NRXN3: variants seen among roughly 807,000 people sequenced by gnomAD.
NRXN3 encodes the protein neurexin III.
NRXN3 carries 32 observed loss-of-function variants against 137.6 expected under a neutral mutation model. The ratio of observed to expected loss-of-function variants is 0.23; its 90% CI spans 0.18 to 0.31. The LOEUF is 0.31. NRXN3 is among the 10% of genes least tolerant of loss of function. The pLI is 1.00. For synonymous variants in NRXN3, 798 were observed against 784.5 expected (o/e 1.02, Z -0.29); for missense variants, 1,574 against 2,062.5 (o/e 0.76, Z 4.59).
At chr14:79,322,626 C>G (rs1007125080) in intron 15 of NRXN3, among the ~76,000 whole-genome samples, 1 of 152,160 alleles carries the variant, frequency 6.6e-6, no homozygotes, top group Non-Finnish European at 1.5e-5. Context: ...TATTTTAAGT[C>G]TTCCTGATCC....
chr14:78,994,096 C>T (rs536696992), intron 15 of NRXN3, among the ~76,000 whole-genome samples: 102 of 151,846 alleles, frequency 6.7e-4, no homozygotes, highest in Admixed American at 1.5e-3. Flanking sequence ...CCTTGTGATC[C>T]GCCTGCCTCG....
chr14:79,568,373 C>CAA (rs1268258611), intron 16 of NRXN3, among the ~76,000 whole-genome samples: 1 of 152,152 alleles, frequency 6.6e-6, no homozygotes, highest in Non-Finnish European at 1.5e-5. Context: ...TTTCAATAGT[C>CAA]AATATATCCT....
intron 4 of NRXN3, among the ~76,000 whole-genome samples, chr14:78,504,666 T>A (rs941626957): frequency 2.0e-5 from 3 of 152,170 alleles, no homozygotes; most frequent in African/African-American, 7.2e-5. Context: ...CTCATGGTGA[T>A]AAAAACCCAT....
chr14:79,562,375 C>G (rs766478471), intron 16 of NRXN3, among the ~76,000 whole-genome samples: 3 of 152,104 alleles, frequency 2.0e-5, no homozygotes, highest in Non-Finnish European at 4.4e-5. Flanking sequence ...CTGCTTCCAG[C>G]CTGTCATGTC....
chr14:78,708,095 T>G (rs2098373202), intron 6 of NRXN3, among the ~76,000 whole-genome samples: 1 of 152,170 alleles, frequency 6.6e-6, no homozygotes, highest in Non-Finnish European at 1.5e-5. Flanking sequence ...CAAATGGTAG[T>G]TCTACTTTTA....
intron 20 of NRXN3, chr14:79,860,912 G>A: frequency 1.7e-6 from 1 of 594,554 alleles, no homozygotes; most frequent in South Asian, 5.1e-5. Flanking sequence ...AGAATGATTA[G>A]ACTCCATCCA....
At position 79,467,635 on chromosome 14, in the gene NRXN3, G is replaced by C. The variant is rs537531229; in HGVS notation, c.3444+233G>C. ...GGAAAAAGAAATTCATTCTTTGCAG[G>C]CTCCCTTCCCAACTGTGTGGCTTGG... is the stretch of plus-strand genomic sequence containing the variant. On this transcript the variant is annotated intron_variant, in intron 16 of 20. Transcript: ENST00000335750. 4.6e-5 allele frequency among the ~76,000 whole-genome samples: 7 copies of C among 152,250 alleles called. No homozygotes were observed. In the East Asian group the frequency reaches 1.4e-3, roughly 29 times the overall value.
At position 78,440,996 on chromosome 14, in the gene NRXN3, C is replaced by T. The variant is rs1212022650; in HGVS notation, c.757+143136C>T. 2.6e-5 allele frequency among the ~76,000 whole-genome samples: 4 copies of T among 152,302 alleles called. No individual in the cohort carries two copies. The South Asian group carries it at 6.2e-4, about 24-fold the overall frequency. ...GGGGTTGCTTTGTTTTCTGCTGCGGCACTCCATCCTTGGCAGTCTGTCTGT... is the reference window on the plus strand; with the variant it reads ...GGGGTTGCTTTGTTTTCTGCTGCGGTACTCCATCCTTGGCAGTCTGTCTGT... On this transcript the variant is annotated intron_variant, in intron 4 of 20. Transcript: ENST00000335750.
chr14:78,371,314 G>A (rs2086790003), intron 4 of NRXN3, among the ~76,000 whole-genome samples: 1 of 152,148 alleles, frequency 6.6e-6, no homozygotes, highest in Non-Finnish European at 1.5e-5. Context: ...GCACAACTTC[G>A]GAGAGGAGCT....
intron 10 of NRXN3, among the ~76,000 whole-genome samples, chr14:78,916,326 G>A (rs1336246503): frequency 6.6e-6 from 1 of 152,170 alleles, no homozygotes; most frequent in Admixed American, 6.5e-5. Context: ...CTAGTGATGA[G>A]TTTCTCTGCT....
intron 15 of NRXN3, among the ~76,000 whole-genome samples, chr14:79,092,306 A>G (rs746820193): frequency 6.6e-6 from 1 of 152,192 alleles, no homozygotes; most frequent in Non-Finnish European, 1.5e-5. Context: ...TTGTAATCAC[A>G]TGATTAATAC....
At chr14:79,022,036 C>T (rs917033750) in intron 15 of NRXN3, among the ~76,000 whole-genome samples, 22 of 152,154 alleles carry the variant, frequency 1.4e-4, no homozygotes, top group Admixed American at 9.2e-4. Flanking sequence ...AGACATTGAA[C>T]TGCAATTGCA....
At chr14:79,296,452 A>G (rs1240948168) in intron 15 of NRXN3, among the ~76,000 whole-genome samples, 2 of 152,012 alleles carry the variant, frequency 1.3e-5, no homozygotes, top group Admixed American at 1.3e-4. Context: ...CTTGGGAAAA[A>G]AAAAAAAACC....
In NRXN3 at chr14:79,560,504, C is replaced by T. The variant is rs1257007747; in HGVS notation, c.3444+93102C>T. ...AATTCTACAAGGACAAGATTGTAAG[C>T]TTTTTTTTTTTTTTTTTTTTTTTTG... On this transcript the variant is annotated intron_variant, in intron 16 of 20. Coordinates refer to ENST00000335750, the MANE Select transcript of NRXN3 (RefSeq NM_001330195.2). Among the ~76,000 whole-genome samples the T allele has an allele frequency of 3.8e-3, 168 of 43,750 alleles. 1 individual carries two copies. The highest frequency in any genetic ancestry group is 7.4e-3 in the East Asian group (7 of 948). The allele number at this position is 43,750 out of a possible 152,430, so 28.7% of individuals were successfully genotyped here.
chr14:79,703,904 C>T (rs2098765293), intron 19 of NRXN3, among the ~76,000 whole-genome samples: 1 of 152,102 alleles, frequency 6.6e-6, no homozygotes, highest in Admixed American at 6.6e-5. Flanking sequence ...ACCACTTCAA[C>T]CTAAGGGACT....
chr14:79,024,186 A>G (rs979618457), intron 15 of NRXN3, among the ~76,000 whole-genome samples: 4 of 152,088 alleles, frequency 2.6e-5, no homozygotes, highest in Non-Finnish European at 5.9e-5. Flanking sequence ...CCATTCTTAC[A>G]TACAGAGGGT....
rs530141294 is a variant in NRXN3 at position 78,949,133 on chromosome 14, T to C, written c.2276-8109T>C. Among the ~76,000 whole-genome samples the C allele has an allele frequency of 1.8e-4, 28 of 152,270 alleles. No individual in the cohort carries two copies. In the East Asian group the frequency reaches 3.9e-3, roughly 21 times the overall value. ...TTTTCTGGCCAGGAAGAATATATAT[T>C]AAAAGGAAAAGTAGTGACTTCATTT... On this transcript the variant is annotated intron_variant, in intron 10 of 20. Coordinates refer to ENST00000335750, the MANE Select transcript of NRXN3 (RefSeq NM_001330195.2).
intron 16 of NRXN3, among the ~76,000 whole-genome samples, chr14:79,525,327 T>G (rs944027995): frequency 6.6e-6 from 1 of 152,180 alleles, no homozygotes; most frequent in Admixed American, 6.6e-5. Flanking sequence ...ATTTAATTAT[T>G]GGTGCTAGTT....
At chr14:78,371,968 G>A (rs998926364) in intron 4 of NRXN3, among the ~76,000 whole-genome samples, 2 of 152,168 alleles carry the variant, frequency 1.3e-5, no homozygotes, top group African/African-American at 4.8e-5. Context: ...TTGTCTACAA[G>A]TCATGGGTAC....
Sources: allele counts gnomAD v4.1 joint callset (sites outside exome capture counted in the v4.1 genomes callset), GRCh38; gene constraint gnomAD v4.1.1; transcripts MANE v1.5; gene names NCBI Gene and HGNC (gene_info 2026-07-23, HGNC 2026-07-21).